Variants in SRGAP1 observed in about 807,000 individuals in gnomAD.
SRGAP1 encodes SLIT-ROBO Rho GTPase activating protein 1.
In SRGAP1, 43 loss-of-function variants were observed where a neutral mutation model predicts 121.9. The observed-to-expected ratio is 0.35, with a 90% CI of 0.28 to 0.46. The LOEUF is 0.46. SRGAP1 is among the 20% of genes least tolerant of loss of function. The pLI, the probability that SRGAP1 is intolerant of heterozygous loss-of-function variation, is 1.00. For missense variants in SRGAP1, 1,102 were observed against 1,350.9 expected (o/e 0.82, Z 2.89); for synonymous variants, 447 against 485.4 (o/e 0.92, Z 1.04).
chr12:63,963,817 A>G (rs184859388), intron 1 of SRGAP1, among the ~76,000 whole-genome samples: 1 of 152,336 alleles, frequency 6.6e-6, no homozygotes, highest in Non-Finnish European at 1.5e-5. Flanking sequence ...CAAGAAGATA[A>G]TAGTATTCAG....
At chr12:63,901,612 A>G (rs954885704) in intron 1 of SRGAP1, among the ~76,000 whole-genome samples, 2 of 152,152 alleles carry the variant, frequency 1.3e-5, no homozygotes, top group Non-Finnish European at 2.9e-5. Context: ...TTAATCACAT[A>G]TTGTTTTGCA....
rs972769699 is a variant in SRGAP1, at chr12:64,159,786, T to C, written c.*17114T>C. 2 of 152,172 alleles carry C rather than the reference T, an allele frequency of 1.3e-5. No homozygotes were observed. Among genetic ancestry groups the C allele is most frequent in the Admixed American group, 6.6e-5 (1 of 15,264 alleles). 9.4% of individuals were successfully genotyped at this position (152,172 alleles called of 1,614,324 possible). On this transcript the variant is annotated 3_prime_UTR_variant, in exon 22 of 22. Transcript: ENST00000355086. The stretch of plus-strand genomic sequence containing the variant: ...GACTGTTAAGTCACTGCATGGAGGA[T>C]GGTCATCCTGGAGAATTGTTTGGAC...
chr12:64,127,213 G>A (rs561570290), intron 19 of SRGAP1, among the ~76,000 whole-genome samples: 5 of 152,258 alleles, frequency 3.3e-5, no homozygotes, highest in South Asian at 4.1e-4. Flanking sequence ...TATCCTCGCC[G>A]TTAAGCAACA....
At chr12:64,058,813 T>TA (rs970753438) in intron 6 of SRGAP1, among the ~76,000 whole-genome samples, 2 of 57,034 alleles carry the variant, frequency 3.5e-5, no homozygotes, top group African/African-American at 1.2e-4. Context: ...GTTTCTAGTT[T>TA]AGAAAAAAAA....
chr12:63,883,815 C>T (rs1357493786), intron 1 of SRGAP1, among the ~76,000 whole-genome samples: 1 of 151,630 alleles, frequency 6.6e-6, no homozygotes, highest in African/African-American at 2.4e-5. Flanking sequence ...CCTGCCGCCA[C>T]ACCCGGCTAA....
At chr12:64,028,424 C>A (rs1004979108) in intron 4 of SRGAP1, among the ~76,000 whole-genome samples, 1 of 152,262 alleles carries the variant, frequency 6.6e-6, no homozygotes, top group Non-Finnish European at 1.5e-5. Flanking sequence ...GCTCCCCGGC[C>A]TCTCAGGTGT....
At chr12:63,978,949 C>T (rs1043076925) in intron 1 of SRGAP1, among the ~76,000 whole-genome samples, 1 of 151,206 alleles carries the variant, frequency 6.6e-6, no homozygotes, top group Non-Finnish European at 1.5e-5. Context: ...TCCCTGAAAG[C>T]TAATGATATT....
chr12:63,855,473 GTTTTTTTTTTTTTTTTTT>G (rs781701925), intron 1 of SRGAP1, among the ~76,000 whole-genome samples: 12 of 52,896 alleles, frequency 2.3e-4, no homozygotes, highest in South Asian at 1.1e-3. Context: ...GAAAAATGGT[GTTTTTTTTTTTTTTTTTT>G]TTTTTTTTTT....
chr12:63,920,754 A>G (rs551987866), intron 1 of SRGAP1, among the ~76,000 whole-genome samples: 2 of 152,224 alleles, frequency 1.3e-5, no homozygotes, highest in South Asian at 4.1e-4. Flanking sequence ...TGAGACCTGT[A>G]AATGGTTTGG....
chr12:63,891,839 T>G (rs1205735069), intron 1 of SRGAP1, among the ~76,000 whole-genome samples: 1 of 151,670 alleles, frequency 6.6e-6, no homozygotes, highest in African/African-American at 2.4e-5. Context: ...ATACAAAAAT[T>G]AGCTGGGTGT....
rs188841116 is a variant in SRGAP1, at chr12:63,849,766, C to T, written c.67+4883C>T. On this transcript the variant is annotated intron_variant, in intron 1 of 21. Coordinates refer to ENST00000355086, the MANE Select transcript of SRGAP1 (RefSeq NM_020762.4). ...GGGACTTTTAACATTTTTTCTCCAA[C>T]CCACTCATTACATGATGCAGGGAGG... 8.8e-4 allele frequency among the ~76,000 whole-genome samples: 134 copies of T among 152,318 alleles called. 1 individual carries two copies. The highest frequency in any genetic ancestry group is 3.0e-3 in the African/African-American group (125 of 41,566).
In SRGAP1 at chr12:64,082,001, CTTTTTTTTTT is replaced by C; in HGVS notation, c.1408+1643_1408+1652del. 4 of 66,138 alleles carry C rather than the reference CTTTTTTTTTT, an allele frequency of 6.0e-5. No individual in the cohort carries two copies. The East Asian group carries it at 2.1e-3, about 36-fold the overall frequency. 4.1% of individuals were successfully genotyped at this position (66,138 alleles called of 1,614,324 possible). A position where few individuals can be genotyped will look rare whatever the true frequency, so the allele number is the denominator to read the frequency against. On this transcript the variant is annotated intron_variant, in intron 10 of 21. Transcript: ENST00000355086. ...TTTCCCTCACAGTGTCATGTAAGGT[CTTTTTTTTTT>C]TTTTTTTTTTTCAATTTTTCACAAA... is the stretch of plus-strand genomic sequence containing the variant.
chr12:64,099,627 A>G (rs1232352910), intron 15 of SRGAP1, among the ~76,000 whole-genome samples: 2 of 152,136 alleles, frequency 1.3e-5, no homozygotes. Context: ...AGTCATCACA[A>G]TGAACCTCTG....
intron 3 of SRGAP1, among the ~76,000 whole-genome samples, chr12:64,012,327 T>C (rs904820399): frequency 7.2e-5 from 11 of 152,246 alleles, no homozygotes; most frequent in Admixed American, 6.5e-4. Flanking sequence ...CTATCCATTT[T>C]CCTTCCCCTT....
intron 1 of SRGAP1, among the ~76,000 whole-genome samples, chr12:63,975,376 A>G (rs1319385511): frequency 6.6e-6 from 1 of 152,154 alleles, no homozygotes; most frequent in Admixed American, 6.5e-5. Flanking sequence ...ACTTACAACA[A>G]ATTCAGTTGC....
intron 6 of SRGAP1, among the ~76,000 whole-genome samples, chr12:64,059,814 A>C (rs930144650): frequency 6.6e-6 from 1 of 152,150 alleles, no homozygotes; most frequent in Non-Finnish European, 1.5e-5. Flanking sequence ...ATCATTCTCT[A>C]TATTTGAGTG....
At chr12:64,060,230 A>G (rs1295938399) in intron 6 of SRGAP1, among the ~76,000 whole-genome samples, 1 of 129,702 alleles carries the variant, frequency 7.7e-6, no homozygotes, top group Non-Finnish European at 1.6e-5. Context: ...CCTTTGAGAC[A>G]GGGGTCCCAC....
rs1377695160 is a variant in SRGAP1, at chr12:63,861,308, T to A, written c.67+16425T>A. On this transcript the variant is annotated intron_variant, in intron 1 of 21. Coordinates refer to ENST00000355086, the MANE Select transcript of SRGAP1 (RefSeq NM_020762.4). Reference sequence around the variant, plus strand: ...TAGGCATATATATATATATATTTTTTTTTTTTTTTGAGGCAAAGTCTTGCT... The same window carrying A: ...TAGGCATATATATATATATATTTTTATTTTTTTTTGAGGCAAAGTCTTGCT... 1.9e-3 allele frequency among the ~76,000 whole-genome samples: 255 copies of A among 131,728 alleles called. 1 individual carries two copies. Among genetic ancestry groups the A allele is most frequent in the African/African-American group, 6.9e-3 (239 of 34,434 alleles). The allele number at this position is 131,728 out of a possible 152,430, so 86.4% of individuals were successfully genotyped here. A position where few individuals can be genotyped will look rare whatever the true frequency, so the allele number is the denominator to read the frequency against.
rs1226893562 is a variant in SRGAP1, at chr12:63,921,910, A to G, written c.68-62037A>G. 3.9e-5 allele frequency among the ~76,000 whole-genome samples: 6 copies of G among 152,018 alleles called. No homozygotes were observed. In the East Asian group the frequency reaches 1.2e-3, roughly 29 times the overall value. Reference sequence around the variant, plus strand: ...CTGGAAAGAGTCTTAGTTCCATTTTATATTTCCTTAGCCATCACAACTCTG... The same window carrying G: ...CTGGAAAGAGTCTTAGTTCCATTTTGTATTTCCTTAGCCATCACAACTCTG... On this transcript the variant is annotated intron_variant, in intron 1 of 21. Transcript: ENST00000355086.
Sources: allele counts gnomAD v4.1 joint callset (sites outside exome capture counted in the v4.1 genomes callset), GRCh38; gene constraint gnomAD v4.1.1; transcripts MANE v1.5; gene names NCBI Gene and HGNC (gene_info 2026-07-23, HGNC 2026-07-21).